Variants in ANK2 observed in about 807,000 individuals in gnomAD.
ANK2 encodes the protein ankyrin 2.
A neutral mutation model predicts 360.5 loss-of-function variants in ANK2; 83 were observed. That is an observed-to-expected ratio of 0.23 (90% CI 0.19 to 0.28). The LOEUF (loss-of-function observed/expected upper bound fraction) is 0.28. Among genes scored for constraint, ANK2 ranks in the 10% least tolerant of loss-of-function variants. The pLI is 1.00. For synonymous variants in ANK2, 1,740 were observed against 1,759.5 expected (o/e 0.99, Z 0.28); for missense variants, 4,201 against 4,795.7 (o/e 0.88, Z 3.66).
At chr4:113,018,405 A>G (rs2057210799) in intron 2 of ANK2, among the ~76,000 whole-genome samples, 1 of 152,242 alleles carries the variant, frequency 6.6e-6, no homozygotes, top group African/African-American at 2.4e-5. Flanking sequence ...CGCGTAAAGA[A>G]TCAATGTCAT....
intron 45 of ANK2, among the ~76,000 whole-genome samples, chr4:113,375,568 A>C (rs2096895332): frequency 6.6e-6 from 1 of 151,968 alleles, no homozygotes; most frequent in Non-Finnish European, 1.5e-5. Flanking sequence ...TACTAAAAAT[A>C]CAAAAAATTA....
At chr4:113,100,994 G>C (rs773521137) in intron 1 of ANK2, among the ~76,000 whole-genome samples, 2 of 152,062 alleles carry the variant, frequency 1.3e-5, no homozygotes, top group Non-Finnish European at 2.9e-5. Flanking sequence ...GTGATGAATA[G>C]ATGAAGCACA....
the ANK2 span, chr4:112,739,020 C>T: frequency 5.0e-5 from 31 of 615,872 alleles, no homozygotes; most frequent in East Asian, 8.2e-4. Context: ...AACCAAGAAC[C>T]GCAAAGCCAT....
chr4:112,751,381 T>C, the ANK2 span, among the ~76,000 whole-genome samples: 2 of 152,216 alleles, frequency 1.3e-5, no homozygotes, highest in Non-Finnish European at 2.9e-5. Context: ...CAGTCCTGGC[T>C]CAGCCATTAA....
At chr4:113,257,918 A>G in intron 11 of ANK2, 132 bp from the exon 12 acceptor site, 3 of 931,312 alleles carry the variant, frequency 3.2e-6, no homozygotes, top group South Asian at 2.8e-5. Context: ...TCCAAATTCC[A>G]ACACCTGCAG....
chr4:112,801,294 T>G, the ANK2 span, among the ~76,000 whole-genome samples: 1 of 152,236 alleles, frequency 6.6e-6, no homozygotes, highest in African/African-American at 2.4e-5. Flanking sequence ...AGCAAAGCCA[T>G]GCACTGAACT....
At chr4:113,326,462 A>G (rs2089991408) in intron 26 of ANK2, among the ~76,000 whole-genome samples, 1 of 151,932 alleles carries the variant, frequency 6.6e-6, no homozygotes, top group Non-Finnish European at 1.5e-5. Flanking sequence ...ATTTGAGTCT[A>G]ATTTGTTTAG....
chr4:112,764,647 T>G, the ANK2 span, among the ~76,000 whole-genome samples: 1 of 150,564 alleles, frequency 6.6e-6, no homozygotes, highest in Non-Finnish European at 1.5e-5. Context: ...TGGTCCAATT[T>G]CTTTGTATTA....
rs183137435 is a variant in ANK2, at chr4:112,852,873, G to A, written c.-40+34609G>A. ...GAATTTGGAGAAAAGACAGATCGTC[G>A]TCTAGGCTCATTGATTTTAAAAGAA... On this transcript the variant is annotated intron_variant, in intron 1 of 30. Transcript: ENST00000503271. 1.6e-3 allele frequency among the ~76,000 whole-genome samples: 238 copies of A among 152,278 alleles called. 4 individuals are homozygous for A. The highest frequency in any genetic ancestry group is 5.0e-4 in the Non-Finnish European group (34 of 68,022).
At chr4:113,366,391 CTTTTTTT>C (rs58588518) in intron 41 of ANK2, among the ~76,000 whole-genome samples, 4 of 108,346 alleles carry the variant, frequency 3.7e-5, no homozygotes, top group Non-Finnish European at 5.2e-5. Flanking sequence ...TTCTTGCTTC[CTTTTTTT>C]TTTTTTTTTT....
At chr4:112,972,250 A>C (rs2039795656) in intron 2 of ANK2, among the ~76,000 whole-genome samples, 1 of 152,120 alleles carries the variant, frequency 6.6e-6, no homozygotes, top group Non-Finnish European at 1.5e-5. Flanking sequence ...ATAGGTCTAC[A>C]TGTGCCATGG....
rs144213865 is a variant in ANK2 at position 112,964,849 on chromosome 4, G to A, written c.21+60335G>A. ...CTCCCAAAGTGCTGGTATTACAGGC[G>A]TGAGCCACCGCGCCCGGCCATGTAC... On this transcript the variant is annotated intron_variant, in intron 2 of 30. Transcript: ENST00000503271. Among the ~76,000 whole-genome samples the A allele has an allele frequency of 3.9e-3, 593 of 152,224 alleles. 1 individual carries two copies. The highest frequency in any genetic ancestry group is 7.3e-3 in the Non-Finnish European group (499 of 68,010).
chr4:113,148,421 C>T (rs1018093712), intron 1 of ANK2, among the ~76,000 whole-genome samples: 1 of 151,910 alleles, frequency 6.6e-6, no homozygotes, highest in Non-Finnish European at 1.5e-5. Context: ...TCACATCCTT[C>T]TTTTTTTTAC....
At chr4:113,023,977 G>A (rs2058715195) in intron 2 of ANK2, among the ~76,000 whole-genome samples, 1 of 152,192 alleles carries the variant, frequency 6.6e-6, no homozygotes, top group Admixed American at 6.5e-5. Flanking sequence ...AAAGGCAACA[G>A]TGAAGGAAAC....
chr4:112,997,458 T>A (rs1486059566), intron 2 of ANK2, among the ~76,000 whole-genome samples: 1 of 152,136 alleles, frequency 6.6e-6, no homozygotes, highest in African/African-American at 2.4e-5. Flanking sequence ...TTAACAGATA[T>A]CTAACAATAT....
chr4:113,055,030 G>T (rs2068929980), intron 1 of ANK2, among the ~76,000 whole-genome samples: 1 of 152,120 alleles, frequency 6.6e-6, no homozygotes, highest in Non-Finnish European at 1.5e-5. Context: ...CTTCAGACCT[G>T]CTGTGTATCA....
chr4:113,355,235 A>C lies in ANK2; in HGVS notation c.6617A>C (p.Lys2206Thr). 3 of 1,614,162 alleles carry C rather than the reference A, an allele frequency of 1.9e-6. No individual in the cohort carries two copies. The highest frequency in any genetic ancestry group is 1.7e-6 in the Non-Finnish European group (2 of 1,179,978). The change falls in exon 38 of 46, where the codon AAG (lysine) becomes ACG (threonine). Residue 2206 changes from lysine to threonine, a missense_variant. Physicochemically the swap from Lys to Thr is moderately conservative, Grantham distance 78. This residue lies in a region of ANK2 where 2,642 missense variants were observed against 2,714.5 expected (regional missense o/e 0.97). Transcript: ENST00000357077. ...GALDGSSESLKNEGVAGSPCG... is the reference protein window; with the variant it reads ...GALDGSSESLTNEGVAGSPCG... ...TTAGATGGCAGTTCTGAAAGCCTAAAGAATGAGGGGGTAGCCGGCTCTCCG... is the reference window on the plus strand; with the variant it reads ...TTAGATGGCAGTTCTGAAAGCCTAACGAATGAGGGGGTAGCCGGCTCTCCG...
At chr4:112,931,156 G>A (rs1280714202) in intron 2 of ANK2, among the ~76,000 whole-genome samples, 2 of 152,038 alleles carry the variant, frequency 1.3e-5, no homozygotes, top group African/African-American at 2.4e-5. Flanking sequence ...ACCCAGGGTC[G>A]ACTCTGCACA....
intron 29 of ANK2, among the ~76,000 whole-genome samples, chr4:113,333,552 G>A (rs1004727492): frequency 1.3e-5 from 2 of 152,048 alleles, no homozygotes; most frequent in South Asian, 2.1e-4. Context: ...GCTTCATAAC[G>A]AAATGAACTG....
Sources: gnomAD v4.1 joint callset for allele counts (sites outside exome capture counted in the v4.1 genomes callset) on GRCh38, gnomAD v4.1.1 for gene constraint, gnomAD v4.1.1 regional missense constraint, MANE v1.5 for transcripts, NCBI Gene and HGNC (gene_info 2026-07-23, HGNC 2026-07-21) for gene names.